Variants in MAML3 observed in about 807,000 individuals in gnomAD.
MAML3 encodes mastermind-like protein 3.
In MAML3, 27 loss-of-function variants were observed where a neutral mutation model predicts 101.9. That is an observed-to-expected ratio of 0.27 (90% CI 0.20 to 0.37). The LOEUF (loss-of-function observed/expected upper bound fraction) is 0.37. Ranked by LOEUF, MAML3 falls within the 10% of genes least tolerant of loss-of-function variation. The probability of loss-of-function intolerance (pLI) is 1.00; values close to 1 mark genes in which losing one functional copy is unlikely to be tolerated. For synonymous variants in MAML3, 501 were observed against 555.9 expected, an observed-to-expected ratio of 0.90 and a Z score of 1.39; for missense variants, 1,316 against 1,444.9, an observed-to-expected ratio of 0.91 and a Z score of 1.45.
At chr4:140,059,760 A>G (rs1467775287) in intron 1 of MAML3, among the ~76,000 whole-genome samples, 1 of 152,192 alleles carries the variant, frequency 6.6e-6, no homozygotes, top group African/African-American at 2.4e-5. Flanking sequence ...AAAGACCAAG[A>G]TAAGATATAG....
At chr4:140,070,132 A>AAATG (rs1560884028) in intron 1 of MAML3, among the ~76,000 whole-genome samples, 1 of 151,852 alleles carries the variant, frequency 6.6e-6, no homozygotes, top group Admixed American at 6.6e-5. Context: ...ATAAATAAAT[A>AAATG]AATAAATAAA....
At chr4:139,761,841 T>G (rs746034651) in intron 2 of MAML3, among the ~76,000 whole-genome samples, 6 of 151,858 alleles carry the variant, frequency 4.0e-5, no homozygotes, top group Non-Finnish European at 7.4e-5. Context: ...GAGAGTTTTC[T>G]CCGGGAGTAG....
At chr4:139,859,964 C>CCGGA (rs1262667964) in intron 2 of MAML3, among the ~76,000 whole-genome samples, 1 of 152,214 alleles carries the variant, frequency 6.6e-6, no homozygotes, top group Non-Finnish European at 1.5e-5. Context: ...GCCGGAGTGA[C>CCGGA]CGGACGAAGG....
intron 1 of MAML3, among the ~76,000 whole-genome samples, chr4:140,009,902 C>T (rs1726519244): frequency 1.3e-5 from 2 of 152,176 alleles, no homozygotes; most frequent in African/African-American, 4.8e-5. Flanking sequence ...ATTAATTAGA[C>T]ATTCTAGGAC....
chr4:140,011,168 C>T (rs867137169), intron 1 of MAML3, among the ~76,000 whole-genome samples: 14 of 122,968 alleles, frequency 1.1e-4, no homozygotes, highest in African/African-American at 2.9e-4. Flanking sequence ...ATATATATGA[C>T]ATATATGTCA....
intron 1 of MAML3, among the ~76,000 whole-genome samples, chr4:140,106,561 A>G (rs1191875608): frequency 6.6e-6 from 1 of 152,238 alleles, no homozygotes; most frequent in East Asian, 1.9e-4. Flanking sequence ...TATTTAAAAA[A>G]ATCAGTATTT....
chr4:140,129,740 G>A (rs549890160), intron 1 of MAML3, among the ~76,000 whole-genome samples: 1 of 152,160 alleles, frequency 6.6e-6, no homozygotes, highest in Non-Finnish European at 1.5e-5. Flanking sequence ...GCCGAGGCGG[G>A]CGGATCACGA....
At chr4:139,760,058 G>A (rs1729725408) in intron 2 of MAML3, among the ~76,000 whole-genome samples, 1 of 152,254 alleles carries the variant, frequency 6.6e-6, no homozygotes, top group Non-Finnish European at 1.5e-5. Context: ...TGGACAAAAT[G>A]GAAAACAGTG....
intron 2 of MAML3, among the ~76,000 whole-genome samples, chr4:139,756,055 A>G (rs1578585407): frequency 1.3e-5 from 2 of 152,362 alleles, no homozygotes; most frequent in East Asian, 3.9e-4. Flanking sequence ...TACATAATTC[A>G]TTAGGAAAGC....
At chr4:140,072,944 G>C (rs910951945) in intron 1 of MAML3, among the ~76,000 whole-genome samples, 2 of 152,092 alleles carry the variant, frequency 1.3e-5, no homozygotes, top group South Asian at 2.1e-4. Context: ...GGTCCTATGT[G>C]TTCATCCCAA....
chr4:139,885,497 T>C (rs1267811524), intron 2 of MAML3, among the ~76,000 whole-genome samples: 1 of 152,052 alleles, frequency 6.6e-6, no homozygotes, highest in Non-Finnish European at 1.5e-5. Flanking sequence ...TAACAAAATA[T>C]CACATGTACC....
intron 1 of MAML3, among the ~76,000 whole-genome samples, chr4:140,073,164 GTCTC>G (rs1483810297): frequency 6.7e-6 from 1 of 149,222 alleles, no homozygotes; most frequent in African/African-American, 2.5e-5. Flanking sequence ...TTGAGATACA[GTCTC>G]TCTCTGTCAC....
rs369680235 is a variant in MAML3, at chr4:139,890,242, G to A, written c.1194C>T (p.Ala398=). ...CAGGGTTTGGAGCTGCGGGAGTGCT[G>A]GCAACAGAAGGTAAACTAGTGGCCG... The part of the protein sequence containing the change: ...VSTATSLPSV[A]STPAAPNPAS... The change falls in exon 2 of 5, where the codon GCC becomes GCT. Residue 398 remains alanine (A), a synonymous_variant. Transcript: ENST00000509479. The surrounding 1 kb of genome is among the most constrained non-coding windows in gnomAD (Gnocchi z 4.1). The A allele has an allele frequency of 2.5e-5, 41 of 1,613,634 alleles. No individual in the cohort carries two copies. The African/African-American group carries it at 4.0e-4, about 16-fold the overall frequency.
At chr4:139,864,674 CAAAAAAAAAAAAA>C (rs70943450) in intron 2 of MAML3, among the ~76,000 whole-genome samples, 1 of 69,502 alleles carries the variant, frequency 1.4e-5, no homozygotes, top group Admixed American at 2.1e-4. Flanking sequence ...GGCTCCGTCT[CAAAAAAAAAAAAA>C]AAAAAAAAAA....
At chr4:139,981,789 T>C (rs923567983) in intron 1 of MAML3, among the ~76,000 whole-genome samples, 2 of 152,208 alleles carry the variant, frequency 1.3e-5, no homozygotes, top group Non-Finnish European at 2.9e-5. Flanking sequence ...TTGTAGAATG[T>C]CTCAGCTGTG....
chr4:139,725,867 G>A, intron 3 of MAML3, 32 bp from the exon 4 acceptor site: 1 of 1,562,342 alleles, frequency 6.4e-7, no homozygotes, highest in South Asian at 1.1e-5. Context: ...GGGGTGGAGA[G>A]GTGAGATAGG....
chr4:140,147,149 A>G (rs1161065193), intron 1 of MAML3, among the ~76,000 whole-genome samples: 3 of 148,620 alleles, frequency 2.0e-5, no homozygotes, highest in Non-Finnish European at 2.9e-5. Context: ...AAAAAAAAAA[A>G]AAAAAAAATT....
At position 140,106,956 on chromosome 4, in the gene MAML3, T is replaced by C. The variant is rs1417543255; in HGVS notation, c.468+45904A>G. On this transcript the variant is annotated intron_variant, in intron 1 of 4. Transcript: ENST00000509479. ...CATGATCTCGGCTCACTGCAACCTC[T>C]GCCTCCTGGGTTCAAGCGATTCTCC... 2.0e-5 allele frequency among the ~76,000 whole-genome samples: 3 copies of C among 152,156 alleles called. No individual in the cohort carries two copies. In the South Asian group the frequency reaches 6.2e-4, roughly 32 times the overall value.
At chr4:140,151,698 G>GT (rs1022960281) in intron 1 of MAML3, among the ~76,000 whole-genome samples, 3 of 128,148 alleles carry the variant, frequency 2.3e-5, no homozygotes, top group East Asian at 3.5e-4. Context: ...TGCGGGGGGG[G>GT]GGGGCACACA....
Sources: gnomAD v4.1 joint callset for allele counts (sites outside exome capture counted in the v4.1 genomes callset) on GRCh38, gnomAD v4.1.1 for gene constraint, Gnocchi (gnomAD v3.1) non-coding constraint, MANE v1.5 for transcripts, NCBI Gene and HGNC (gene_info 2026-07-23, HGNC 2026-07-21) for gene names.